Variants in C4BPA observed in about 807,000 individuals in gnomAD.
C4BPA encodes the protein C4b-binding protein alpha chain.
C4BPA carries 31 observed loss-of-function variants against 63.7 expected under a neutral mutation model. That is an observed-to-expected ratio of 0.49 (90% confidence interval 0.37 to 0.66). The LOEUF (loss-of-function observed/expected upper bound fraction) is 0.66. Ranked by LOEUF, C4BPA falls within the 30% of genes least tolerant of loss-of-function variation. The probability of loss-of-function intolerance (pLI) is 0.00; values close to 1 mark genes in which losing one functional copy is unlikely to be tolerated. For missense variants in C4BPA, 572 were observed against 723.3 expected (o/e 0.79, Z 2.40); for synonymous variants, 259 against 254.7 (o/e 1.02, Z -0.16).
At position 207,113,114 on chromosome 1, in the gene C4BPA, AT is replaced by A; in HGVS notation, c.90del (p.Pro31GlnfsTer6). 5.0e-6 allele frequency: 8 copies of A among 1,610,924 alleles called. No homozygotes were observed. Among genetic ancestry groups the A allele is most frequent in the Non-Finnish European group, 6.8e-6 (8 of 1,178,712 alleles). On this transcript the variant is annotated frameshift_variant, in exon 2 of 12. Transcript: ENST00000367070. LOFTEE classifies it high-confidence loss of function. ...TTCTCCAGGCTGTGGAAAGTCTCTGATCCAATTCTCTTCCAAATGACCTTGA... is the reference window on the plus strand; with the variant it reads ...TTCTCCAGGCTGTGGAAAGTCTCTGACCAATTCTCTTCCAAATGACCTTGA... ...WPFSRLWKVS[D>X]PILFQMTLIA...
At chr1:207,133,794 A>G (rs913318830) in intron 8 of C4BPA, among the ~76,000 whole-genome samples, 2 of 152,226 alleles carry the variant, frequency 1.3e-5, no homozygotes, top group Non-Finnish European at 2.9e-5. Context: ...TTTTGCATCA[A>G]AAAAGAAAAA....
At position 207,124,356 on chromosome 1, in the gene C4BPA, T is replaced by C. The variant is rs1347983683; in HGVS notation, c.696T>C (p.Pro232=). ...TAGGTGTTTGGAGACCAAGCCCTCC[T>C]ACCTGTGAAAGTAAGTCATAATGAT... ...ETIGVWRPSP[P]TCEKITCRKP... is the part of the protein sequence containing the mutation. The change falls in exon 6 of 12, where the codon CCT becomes CCC. Residue 232 remains proline, a synonymous_variant. Transcript: ENST00000367070. 1.9e-6 allele frequency: 3 copies of C among 1,608,894 alleles called. No homozygotes were observed. The highest frequency in any genetic ancestry group is 2.6e-6 in the Non-Finnish European group (3 of 1,175,844).
At chr1:207,123,456 T>C (rs1195962058) in intron 4 of C4BPA, among the ~76,000 whole-genome samples, 2 of 152,130 alleles carry the variant, frequency 1.3e-5, no homozygotes, top group East Asian at 3.8e-4. Context: ...GAAGACGAAC[T>C]GAGGAAAGAG....
intron 4 of C4BPA, among the ~76,000 whole-genome samples, 198 bp downstream of exon 4, chr1:207,115,713 G>C (rs1265754746): frequency 6.6e-6 from 1 of 152,140 alleles, no homozygotes; most frequent in African/African-American, 2.4e-5. Context: ...TATCTTTCTA[G>C]TGTTTCCTTA....
At chr1:207,113,529 C>CA (rs1220945162) in intron 2 of C4BPA, among the ~76,000 whole-genome samples, 1 of 151,902 alleles carries the variant, frequency 6.6e-6, no homozygotes, top group African/African-American at 2.4e-5. Flanking sequence ...TTAATTCTTG[C>CA]AAAAAAAGCA....
At chr1:207,105,557 CAAAAAAAAAA>C (rs544639312) in intron 1 of C4BPA, among the ~76,000 whole-genome samples, 1 of 65,706 alleles carries the variant, frequency 1.5e-5, no homozygotes, top group African/African-American at 5.2e-5. Context: ...AACTCCACCT[CAAAAAAAAAA>C]AAAAAAGAAA....
At chr1:207,138,986 G>T (rs1444404188) in intron 9 of C4BPA, among the ~76,000 whole-genome samples, 1 of 152,120 alleles carries the variant, frequency 6.6e-6, no homozygotes, top group Non-Finnish European at 1.5e-5. Context: ...TTAACATGAT[G>T]CCATTGATAT....
intron 4 of C4BPA, among the ~76,000 whole-genome samples, chr1:207,120,299 G>A (rs1039256409): frequency 6.6e-6 from 1 of 152,178 alleles, no homozygotes; most frequent in Non-Finnish European, 1.5e-5. Context: ...TAATTTTAGT[G>A]TATGTTCCAT....
intron 4 of C4BPA, among the ~76,000 whole-genome samples, chr1:207,118,953 T>A (rs377369721): frequency 2.6e-5 from 4 of 151,288 alleles, no homozygotes; most frequent in African/African-American, 9.7e-5. Flanking sequence ...GTTCCTTCAA[T>A]GTCTGTTGCT....
Position 207,113,098 on chromosome 1 carries a change from C to T in C4BPA, c.73C>T (p.Leu25=). 2 of 1,610,826 alleles carry T rather than the reference C, an allele frequency of 1.2e-6. No homozygotes were observed. The highest frequency in any genetic ancestry group is 1.7e-6 in the Non-Finnish European group (2 of 1,178,636). Residue 25 remains leucine (L), a synonymous_variant, in exon 2 of 12, where the codon CTG becomes TTG. Coordinates refer to ENST00000367070, the MANE Select transcript of C4BPA (RefSeq NM_000715.4). The part of the protein sequence containing the change: ...RKMAAWPFSR[L]WKVSDPILFQ... ...AATGGCAGCCTGGCCCTTCTCCAGG[C>T]TGTGGAAAGTCTCTGATCCAATTCT...
At chr1:207,124,110 A>T (rs942147808) in intron 5 of C4BPA, 65 bp from the exon 6 acceptor site, 2 of 1,545,846 alleles carry the variant, frequency 1.3e-6, no homozygotes, top group South Asian at 2.2e-5. Flanking sequence ...TAGAATTTGC[A>T]TGAATTTTAG....
intron 6 of C4BPA, among the ~76,000 whole-genome samples, chr1:207,125,185 G>A (rs1685012314): frequency 6.6e-6 from 1 of 152,224 alleles, no homozygotes; most frequent in Admixed American, 6.5e-5. Context: ...AAAATGCCTG[G>A]AGTTAGATCT....
At chr1:207,142,949 C>T (rs1460609704) in intron 10 of C4BPA, among the ~76,000 whole-genome samples, 2 of 151,952 alleles carry the variant, frequency 1.3e-5, no homozygotes, top group African/African-American at 4.8e-5. Context: ...GGATCTAGAA[C>T]TAAAATACGA....
intron 9 of C4BPA, among the ~76,000 whole-genome samples, chr1:207,139,413 C>T (rs565743307): frequency 2.0e-5 from 3 of 152,054 alleles, no homozygotes; most frequent in Admixed American, 1.3e-4. Flanking sequence ...TCTCTCCCAC[C>T]CCTGGGAGAT....
At chr1:207,127,875 T>A (rs1685079953) in intron 7 of C4BPA, among the ~76,000 whole-genome samples, 1 of 152,178 alleles carries the variant, frequency 6.6e-6, no homozygotes, top group African/African-American at 2.4e-5. Flanking sequence ...GCAATTCCCA[T>A]CTTCTCCAGC....
In C4BPA at chr1:207,125,242, G is replaced by C. The variant is rs114512790; in HGVS notation, c.706+876G>C. Among the ~76,000 whole-genome samples the C allele has an allele frequency of 7.4e-3, 1,122 of 152,288 alleles. 5 individuals are homozygous for C. The highest frequency in any genetic ancestry group is 0.026 in the African/African-American group (1,091 of 41,566). On this transcript the variant is annotated intron_variant, in intron 6 of 11. Coordinates refer to ENST00000367070, the MANE Select transcript of C4BPA (RefSeq NM_000715.4). The stretch of plus-strand genomic sequence containing the variant: ...AGCTGAGGGCAGAAAAGTGGGCAGG[G>C]GCCAGGTTATGAAGGGCCTTGTGTT...
chr1:207,137,324 C>T (rs1044173095), intron 9 of C4BPA, among the ~76,000 whole-genome samples: 10 of 152,186 alleles, frequency 6.6e-5, no homozygotes, highest in East Asian at 1.9e-4. Context: ...AGGTTAAGGA[C>T]GCGCCTGCGA....
At chr1:207,137,589 A>ATGTTT (rs76261944) in intron 9 of C4BPA, among the ~76,000 whole-genome samples, 5,583 of 149,706 alleles carry the variant, frequency 0.037, 179 homozygotes, top group East Asian at 0.1. Context: ...TTGTGGAGAT[A>ATGTTT]TGTTTTGTTT....
chr1:207,143,631 A>T (rs1392645383), intron 10 of C4BPA, among the ~76,000 whole-genome samples, 187 bp from the exon 11 acceptor site: 1 of 152,240 alleles, frequency 6.6e-6, no homozygotes, highest in Non-Finnish European at 1.5e-5. Context: ...TGATAGCAAC[A>T]TAAAGTGCCT....
Sources: allele counts gnomAD v4.1 joint callset (sites outside exome capture counted in the v4.1 genomes callset), GRCh38; gene constraint gnomAD v4.1.1; transcripts MANE v1.5; gene names NCBI Gene and HGNC (gene_info 2026-07-23, HGNC 2026-07-21).